LINGO2: variants seen among roughly 807,000 people sequenced by gnomAD.
LINGO2 encodes leucine-rich repeat and immunoglobulin-like domain-containing nogo receptor-interacting protein 2.
LINGO2 carries 14 observed loss-of-function variants against 30.6 expected under a neutral mutation model. The observed-to-expected ratio is 0.46, with a 90% CI of 0.30 to 0.72. LINGO2 has a LOEUF of 0.72. Among genes scored for constraint, LINGO2 ranks in the 30% least tolerant of loss-of-function variants. The probability of loss-of-function intolerance (pLI) is 0.07; values close to 1 mark genes in which losing one functional copy is unlikely to be tolerated. For synonymous variants in LINGO2, 317 were observed against 288.5 expected (o/e 1.10, Z -1.00); for missense variants, 729 against 751.7 (o/e 0.97, Z 0.35).
At chr9:28,984,695 C>T in the LINGO2 span, among the ~76,000 whole-genome samples, 1 of 151,988 alleles carries the variant, frequency 6.6e-6, no homozygotes, top group Admixed American at 6.6e-5. Context: ...CTTCCTAATA[C>T]AAAGTTGACT....
chr9:28,354,629 TTAAC>T (rs1384082925), intron 3 of LINGO2, among the ~76,000 whole-genome samples: 3 of 152,194 alleles, frequency 2.0e-5, no homozygotes, highest in Admixed American at 6.5e-5. Context: ...TTTTGTTACT[TTAAC>T]TATCCCCATC....
At chr9:29,036,254 A>G in the LINGO2 span, among the ~76,000 whole-genome samples, 2 of 152,126 alleles carry the variant, frequency 1.3e-5, no homozygotes, top group Non-Finnish European at 2.9e-5. Flanking sequence ...AGCCTTAAAA[A>G]GTGCATAAAA....
chr9:29,065,396 G>C, the LINGO2 span, among the ~76,000 whole-genome samples: 1 of 152,034 alleles, frequency 6.6e-6, no homozygotes. Context: ...GAGTTTTATA[G>C]TTATAGGTTT....
chr9:29,206,689 A>T, the LINGO2 span, among the ~76,000 whole-genome samples: 1 of 152,120 alleles, frequency 6.6e-6, no homozygotes, highest in Admixed American at 6.6e-5. Flanking sequence ...AATATCCTGA[A>T]TGAGGTGATG....
the LINGO2 span, among the ~76,000 whole-genome samples, chr9:29,209,317 C>G: frequency 6.6e-6 from 1 of 151,982 alleles, no homozygotes; most frequent in Non-Finnish European, 1.5e-5. Flanking sequence ...ACTGATGACT[C>G]GAACTCCCTA....
chr9:28,215,203 A>G (rs1451756190), intron 4 of LINGO2, among the ~76,000 whole-genome samples: 2 of 151,860 alleles, frequency 1.3e-5, no homozygotes, highest in Non-Finnish European at 2.9e-5. Flanking sequence ...TATAGCTATG[A>G]TATCTAACAA....
the LINGO2 span, among the ~76,000 whole-genome samples, chr9:28,877,296 T>A: frequency 6.6e-6 from 1 of 152,024 alleles, no homozygotes; most frequent in East Asian, 1.9e-4. Flanking sequence ...TTGCCATTGC[T>A]TTTGGTGTTT....
intron 4 of LINGO2, among the ~76,000 whole-genome samples, chr9:28,016,129 C>T (rs1394840607): frequency 6.6e-6 from 1 of 152,004 alleles, no homozygotes; most frequent in African/African-American, 2.4e-5. Flanking sequence ...TTTCCTGATT[C>T]CAATTTCTTT....
At chr9:29,205,787 G>T in the LINGO2 span, among the ~76,000 whole-genome samples, 5 of 152,232 alleles carry the variant, frequency 3.3e-5, no homozygotes, top group African/African-American at 1.2e-4. Flanking sequence ...ACAATTAAAT[G>T]ATTTTTAGTG....
intron 4 of LINGO2, among the ~76,000 whole-genome samples, chr9:28,219,330 T>TA (rs1308018439): frequency 1.3e-5 from 2 of 152,158 alleles, no homozygotes; most frequent in African/African-American, 4.8e-5. Flanking sequence ...TTAGCCTGCA[T>TA]AAAAAATGGG....
At chr9:28,752,617 A>C in the LINGO2 span, among the ~76,000 whole-genome samples, 1 of 152,076 alleles carries the variant, frequency 6.6e-6, no homozygotes, top group Non-Finnish European at 1.5e-5. Context: ...GGCTATGTTC[A>C]AAAGTGAGTA....
intron 2 of LINGO2, among the ~76,000 whole-genome samples, chr9:28,454,806 G>C (rs1428889423): frequency 6.6e-6 from 1 of 151,844 alleles, no homozygotes; most frequent in Non-Finnish European, 1.5e-5. Context: ...CAAAATAAAG[G>C]ATGACAAACA....
chr9:27,956,620 G>A (rs1819582231), intron 5 of LINGO2, among the ~76,000 whole-genome samples: 1 of 151,810 alleles, frequency 6.6e-6, no homozygotes, highest in Non-Finnish European at 1.5e-5. Context: ...GAGCCTATAT[G>A]CCAATGTCTT....
rs1290119203 is a variant in LINGO2, at chr9:28,011,390, A to C, written c.-36+965T>G. On this transcript the variant is annotated intron_variant, in intron 5 of 5. Transcript: ENST00000379992. ...CATCATTCTGCATTAGGAAATAGCA[A>C]GAATAGAGAGTACAGGGGTGCAGGG... 3.3e-5 allele frequency among the ~76,000 whole-genome samples: 5 copies of C among 152,236 alleles called. No individual in the cohort carries two copies. The South Asian group carries it at 1.0e-3, about 32-fold the overall frequency.
At chr9:29,092,656 TTG>T in the LINGO2 span, among the ~76,000 whole-genome samples, 8 of 139,670 alleles carry the variant, frequency 5.7e-5, 2 homozygotes, top group Non-Finnish European at 7.8e-5. Context: ...GTGTATATGT[TTG>T]TGACTCTAGA....
chr9:29,206,541 T>A, the LINGO2 span, among the ~76,000 whole-genome samples: 19 of 152,194 alleles, frequency 1.2e-4, no homozygotes, highest in Non-Finnish European at 1.5e-5. Context: ...AGTGTTATAC[T>A]CACTCTCAGC....
the LINGO2 span, among the ~76,000 whole-genome samples, chr9:28,687,429 G>C: frequency 6.6e-6 from 1 of 152,030 alleles, no homozygotes; most frequent in African/African-American, 2.4e-5. Flanking sequence ...AAATTCCTTG[G>C]TCATTCTTAA....
At chr9:28,907,224 C>T in the LINGO2 span, among the ~76,000 whole-genome samples, 6 of 151,666 alleles carry the variant, frequency 4.0e-5, no homozygotes, top group Admixed American at 6.6e-5. Flanking sequence ...TAGAAATAGA[C>T]GAAATGGCAA....
chr9:28,980,448 T>C, the LINGO2 span, among the ~76,000 whole-genome samples: 3 of 152,094 alleles, frequency 2.0e-5, no homozygotes, highest in Non-Finnish European at 4.4e-5. Flanking sequence ...CAGAAAGACA[T>C]ACAGAATCCA....
Sources: allele counts gnomAD v4.1 joint callset (sites outside exome capture counted in the v4.1 genomes callset), GRCh38; gene constraint gnomAD v4.1.1; transcripts MANE v1.5; gene names NCBI Gene and HGNC (gene_info 2026-07-23, HGNC 2026-07-21).